Variants in PRKAG1 observed in about 807,000 individuals in gnomAD.
The protein encoded by PRKAG1 is 5'-AMP-activated protein kinase subunit gamma-1.
A neutral mutation model predicts 48.2 loss-of-function variants in PRKAG1; 27 were observed. That is an observed-to-expected ratio of 0.56 (90% CI 0.41 to 0.77). PRKAG1 has a LOEUF of 0.77. Ranked by LOEUF, PRKAG1 falls within the 30% of genes least tolerant of loss-of-function variation. The pLI is 0.00. For synonymous variants in PRKAG1, 130 were observed against 147.7 expected, an observed-to-expected ratio of 0.88 and a Z score of 0.87; for missense variants, 287 against 398.3, an observed-to-expected ratio of 0.72 and a Z score of 2.38.
Position 49,003,754 on chromosome 12 carries a change from C to T in PRKAG1, c.703+3G>A. 1 of 1,611,180 alleles carries T rather than the reference C, an allele frequency of 6.2e-7. No homozygotes were observed. Among genetic ancestry groups the T allele is most frequent in the South Asian group, 1.1e-5 (1 of 90,532 alleles). Reference sequence around the variant, plus strand: ...CTCCCTCTCCTTCTGCCCAATCTCTCACCCTTCTCATCCACCACTGGCAGG... The same window carrying T: ...CTCCCTCTCCTTCTGCCCAATCTCTTACCCTTCTCATCCACCACTGGCAGG... On this transcript the variant is annotated splice_donor_region_variant and intron_variant, in intron 9 of 11. Coordinates refer to ENST00000548065, the MANE Select transcript of PRKAG1 (RefSeq NM_002733.5).
chr12:49,012,683 A>C (rs1380548319), intron 2 of PRKAG1: 1 of 203,806 alleles, frequency 4.9e-6, no homozygotes, highest in African/African-American at 2.4e-5. Context: ...CCTTTGCATA[A>C]TTTTTGGTGT....
At chr12:49,014,062 A>G (rs1334087183) in intron 1 of PRKAG1, among the ~76,000 whole-genome samples, 10 of 151,976 alleles carry the variant, frequency 6.6e-5, no homozygotes, top group Non-Finnish European at 7.4e-5. Flanking sequence ...TTTCATATTT[A>G]TAACAGAGAT....
chr12:49,018,293 T>C (rs766333599), intron 1 of PRKAG1: 1 of 242,998 alleles, frequency 4.1e-6, no homozygotes, highest in Non-Finnish European at 7.3e-6. Flanking sequence ...CTGCCGGGGA[T>C]TGCAGGGATC....
chr12:49,012,060 T>TC (rs1941782028), intron 2 of PRKAG1, among the ~76,000 whole-genome samples: 2 of 152,222 alleles, frequency 1.3e-5, no homozygotes, highest in Non-Finnish European at 2.9e-5. Flanking sequence ...TTTCACGATG[T>TC]TGGCCAGGCT....
chr12:49,008,272 C>G (rs1941622879), intron 2 of PRKAG1, among the ~76,000 whole-genome samples: 1 of 151,968 alleles, frequency 6.6e-6, no homozygotes, highest in African/African-American at 2.4e-5. Context: ...AATGTCTTGT[C>G]CTTTTGTTTA....
At chr12:49,006,853 C>T (rs1227598705) in intron 2 of PRKAG1, among the ~76,000 whole-genome samples, 1 of 151,980 alleles carries the variant, frequency 6.6e-6, no homozygotes, top group Non-Finnish European at 1.5e-5. Flanking sequence ...CCTGTAATCC[C>T]AGCTACTCGG....
Position 49,002,388 on chromosome 12 carries a change from C to G in PRKAG1, c.*511G>C, listed in dbSNP as rs199909362. ...CCATCTCCCTTCATATGCACAAACACAGGAACCCAAAGCCCCTCCTCCCCA... is the reference window on the plus strand; with the variant it reads ...CCATCTCCCTTCATATGCACAAACAGAGGAACCCAAAGCCCCTCCTCCCCA... On this transcript the variant is annotated 3_prime_UTR_variant, in exon 12 of 12. Transcript: ENST00000548065. 1 of 210,158 alleles carries G rather than the reference C, an allele frequency of 4.8e-6. No homozygotes were observed. Among genetic ancestry groups the G allele is most frequent in the African/African-American group, 2.3e-5 (1 of 43,274 alleles). The allele number at this position is 210,158 out of a possible 1,614,324, so 13.0% of individuals were successfully genotyped here.
intron 2 of PRKAG1, among the ~76,000 whole-genome samples, chr12:49,007,157 C>T (rs570178004): frequency 7.1e-4 from 108 of 151,612 alleles, no homozygotes; most frequent in African/African-American, 2.5e-3. Flanking sequence ...CGTGGTGGCA[C>T]GTGCCTGTAG....
rs542242000 is a variant in PRKAG1, at chr12:49,017,665, G to A, written c.9+1067C>T. The A allele has an allele frequency of 1.5e-4, 23 of 154,180 alleles. No individual in the cohort carries two copies. In the South Asian group the frequency reaches 4.3e-3, roughly 29 times the overall value. The allele number at this position is 154,180 out of a possible 1,614,324, so 9.6% of individuals were successfully genotyped here. On this transcript the variant is annotated intron_variant, in intron 1 of 11. Coordinates refer to ENST00000548065, the MANE Select transcript of PRKAG1 (RefSeq NM_002733.5). ...TATGACATGTCATTTTAAATTTAAT[G>A]GAATTAGACTCCTTATTTTTGTTTA... is the stretch of plus-strand genomic sequence containing the variant.
intron 2 of PRKAG1, among the ~76,000 whole-genome samples, chr12:49,011,156 T>C (rs1327731217): frequency 6.6e-6 from 1 of 152,140 alleles, no homozygotes; most frequent in Non-Finnish European, 1.5e-5. Context: ...TCTACCAATC[T>C]ACCGTCTTTA....
At chr12:49,017,292 T>G in intron 1 of PRKAG1, 1 of 441,518 alleles carries the variant, frequency 2.3e-6, no homozygotes, top group Admixed American at 2.5e-5. Flanking sequence ...CCTCCACCTC[T>G]TTGGATCAAG....
At position 49,005,713 on chromosome 12, in the gene PRKAG1, A is replaced by G. The variant is rs747621596; in HGVS notation, c.168+30T>C. The G allele has an allele frequency of 2.5e-6, 4 of 1,609,064 alleles. No homozygotes were observed. In the South Asian group the frequency reaches 4.4e-5, roughly 18 times the overall value. On this transcript the variant is annotated intron_variant, in intron 3 of 11. Coordinates refer to ENST00000548065, the MANE Select transcript of PRKAG1 (RefSeq NM_002733.5). The surrounding 1 kb of genome is among the most constrained non-coding windows in gnomAD (Gnocchi z 4.1). Reference sequence around the variant, plus strand: ...AGAGGTATTAAACCACAGGCTCCAAAGGGGGAAGGGAAAAGAGGATTTCAC... The same window carrying G: ...AGAGGTATTAAACCACAGGCTCCAAGGGGGGAAGGGAAAAGAGGATTTCAC...
At chr12:49,017,974 G>A (rs1592290994) in intron 1 of PRKAG1, 1 of 152,224 alleles carries the variant, frequency 6.6e-6, no homozygotes, top group South Asian at 2.1e-4. Context: ...AAGTGTATGG[G>A]AGGGGTTACA....
intron 1 of PRKAG1, among the ~76,000 whole-genome samples, chr12:49,014,405 G>GC (rs959129607): frequency 6.6e-6 from 1 of 152,204 alleles, no homozygotes; most frequent in Non-Finnish European, 1.5e-5. Context: ...AAAGATCTGA[G>GC]CTTAGGGCTA....
chr12:49,016,321 T>TA (rs1166767142), intron 1 of PRKAG1, among the ~76,000 whole-genome samples: 1 of 152,242 alleles, frequency 6.6e-6, no homozygotes, highest in Non-Finnish European at 1.5e-5. Flanking sequence ...AGACACAGTC[T>TA]ACATCTGACA....
At position 49,005,446 on chromosome 12, in the gene PRKAG1, A is replaced by T. The variant is rs777783609; in HGVS notation, c.250+16T>A. The T allele has an allele frequency of 6.2e-7, 1 of 1,614,080 alleles. No individual in the cohort carries two copies. The highest frequency in any genetic ancestry group is 1.1e-5 in the South Asian group (1 of 90,976). On this transcript the variant is annotated intron_variant, in intron 4 of 11. Transcript: ENST00000548065. The surrounding 1 kb of genome is among the most constrained non-coding windows in gnomAD (Gnocchi z 4.1). ...CAAGATGCCAATAATATTGTGTTCC[A>T]GAAACTTTTGCTTACCCACAAAACT...
Position 49,003,298 on chromosome 12 carries a change from G to A in PRKAG1, c.742-8C>T, listed in dbSNP as rs1254998148. On this transcript the variant is annotated splice_region_variant and splice_polypyrimidine_tract_variant and intron_variant, in intron 10 of 11. Transcript: ENST00000548065. ...CTTTTCTGCTGCCAGATTCTGGGGA[G>A]ACAGAGGAAGGAGCTTGCAGGGAAG... 1 of 1,613,952 alleles carries A rather than the reference G, an allele frequency of 6.2e-7. No individual in the cohort carries two copies. Among genetic ancestry groups the A allele is most frequent in the Non-Finnish European group, 8.5e-7 (1 of 1,180,016 alleles).
At chr12:49,015,680 C>G (rs1292838714) in intron 1 of PRKAG1, among the ~76,000 whole-genome samples, 1 of 152,028 alleles carries the variant, frequency 6.6e-6, no homozygotes, top group Non-Finnish European at 1.5e-5. Context: ...TCAAGCGATT[C>G]TCCTGCCTCA....
At chr12:49,003,618 G>A in intron 9 of PRKAG1, 23 bp from the exon 10 acceptor site, 1 of 1,612,126 alleles carries the variant, frequency 6.2e-7, no homozygotes. Context: ...AGGCAGCTCA[G>A]TAAGGAGGAT....
Sources: allele counts gnomAD v4.1 joint callset (sites outside exome capture counted in the v4.1 genomes callset), GRCh38; gene constraint gnomAD v4.1.1; non-coding constraint Gnocchi (gnomAD v3.1); transcripts MANE v1.5; gene names NCBI Gene and HGNC (gene_info 2026-07-23, HGNC 2026-07-21).